RFTN2: variants seen among roughly 807,000 people sequenced by gnomAD.
RFTN2 encodes raftlin family member 2, also known as raftlin-2.
A neutral mutation model predicts 52.7 loss-of-function variants in RFTN2; 34 were observed. The ratio of observed to expected loss-of-function variants is 0.64; its 90% CI spans 0.49 to 0.86. The LOEUF is 0.86. Ranked by LOEUF, RFTN2 falls within the 40% of genes least tolerant of loss-of-function variation. The probability of loss-of-function intolerance (pLI) is 0.00; values close to 1 mark genes in which losing one functional copy is unlikely to be tolerated. For missense variants in RFTN2, 536 were observed against 600.1 expected, an observed-to-expected ratio of 0.89 and a Z score of 1.12; for synonymous variants, 203 against 217.7, an observed-to-expected ratio of 0.93 and a Z score of 0.59.
chr2:197,616,378 A>G (rs185448403), intron 6 of RFTN2, among the ~76,000 whole-genome samples: 6 of 151,504 alleles, frequency 4.0e-5, no homozygotes, highest in South Asian at 4.2e-4. Context: ...TTTAACCTCA[A>G]TCTCCTGGGC....
At chr2:197,672,198 C>T (rs1413608927) in intron 1 of RFTN2, among the ~76,000 whole-genome samples, 1 of 152,074 alleles carries the variant, frequency 6.6e-6, no homozygotes, top group Non-Finnish European at 1.5e-5. Flanking sequence ...CATAAAGTTC[C>T]AGAAAAATTC....
rs2088126426 is a variant in RFTN2 at position 197,615,453 on chromosome 2, G to A, written c.1154+423C>T. Among the ~76,000 whole-genome samples, 3 of 152,218 alleles carry A rather than the reference G, an allele frequency of 2.0e-5. No homozygotes were observed. In the South Asian group the frequency reaches 6.2e-4, roughly 32 times the overall value. On this transcript the variant is annotated intron_variant, in intron 7 of 8. Coordinates refer to ENST00000295049, the MANE Select transcript of RFTN2 (RefSeq NM_144629.3). ...TTCCTTTCCAGGAAAGTTAGTAAAAGGAGAAAAGGAAAAGGAAAGTTAGTA... is the reference window on the plus strand; with the variant it reads ...TTCCTTTCCAGGAAAGTTAGTAAAAAGAGAAAAGGAAAAGGAAAGTTAGTA...
chr2:197,647,313 C>T (rs1417576022), intron 1 of RFTN2, among the ~76,000 whole-genome samples: 1 of 152,100 alleles, frequency 6.6e-6, no homozygotes, highest in East Asian at 1.9e-4. Context: ...GCCCCCACCT[C>T]CCGGGCTCAC....
chr2:197,579,451 T>C (rs963122998), intron 8 of RFTN2, among the ~76,000 whole-genome samples: 2 of 152,196 alleles, frequency 1.3e-5, no homozygotes, highest in Non-Finnish European at 2.9e-5. Flanking sequence ...CACCTTATTT[T>C]CTTCTCCAAT....
chr2:197,591,911 G>GC (rs913278375), intron 8 of RFTN2, among the ~76,000 whole-genome samples: 2 of 149,684 alleles, frequency 1.3e-5, no homozygotes, highest in Non-Finnish European at 3.0e-5. Flanking sequence ...ACTGGTTCCT[G>GC]CCCCGTGCCT....
chr2:197,649,953 T>C (rs75548530), intron 1 of RFTN2, among the ~76,000 whole-genome samples: 3,715 of 152,226 alleles, frequency 0.024, 148 homozygotes, highest in African/African-American at 0.085. Flanking sequence ...TAATACCCCC[T>C]TCACTACCCA....
Position 197,615,897 on chromosome 2 carries a change from G to T in RFTN2, c.1133C>A (p.Thr378Lys), listed in dbSNP as rs1375943459. ...FGWLLTSVLP[T>K]PVLRHDSEGN... ...TTACCTGTCATGTCTCAATACAGGT[G>T]TGGGCAACACGCTTGTCAGAAGCCA... Residue 378 changes from threonine (T) to lysine (K), a missense_variant, in exon 7 of 9, where the codon ACA becomes AAA. By Grantham distance (78) the Thr-to-Lys change is moderately conservative. Transcript: ENST00000295049. The T allele has an allele frequency of 7.7e-6, 12 of 1,552,796 alleles. No homozygotes were observed. Among genetic ancestry groups the T allele is most frequent in the Non-Finnish European group, 1.0e-5 (12 of 1,145,656 alleles).
chr2:197,653,489 C>T (rs2088851609), intron 1 of RFTN2, among the ~76,000 whole-genome samples: 1 of 151,488 alleles, frequency 6.6e-6, no homozygotes, highest in Admixed American at 6.6e-5. Flanking sequence ...CCCCAAACTG[C>T]ATGTGGCAGG....
At chr2:197,662,781 A>G (rs1406780653) in intron 1 of RFTN2, among the ~76,000 whole-genome samples, 1 of 151,878 alleles carries the variant, frequency 6.6e-6, no homozygotes, top group Admixed American at 6.6e-5. Context: ...CGTTCTTTAA[A>G]AATTTTTTTA....
At chr2:197,646,021 T>C (rs1303246247) in intron 2 of RFTN2, among the ~76,000 whole-genome samples, 1 of 151,988 alleles carries the variant, frequency 6.6e-6, no homozygotes, top group Non-Finnish European at 1.5e-5. Flanking sequence ...AGCAAAACTC[T>C]GTCTTGAAAA....
intron 5 of RFTN2, among the ~76,000 whole-genome samples, chr2:197,627,548 A>G (rs2088385631): frequency 6.6e-6 from 1 of 152,182 alleles, no homozygotes; most frequent in Non-Finnish European, 1.5e-5. Flanking sequence ...CCTCTCCTCT[A>G]CTAGTGCCAC....
At chr2:197,661,040 A>T (rs913997999) in intron 1 of RFTN2, among the ~76,000 whole-genome samples, 1 of 151,894 alleles carries the variant, frequency 6.6e-6, no homozygotes, top group African/African-American at 2.4e-5. Context: ...TCCCCTGCTC[A>T]CACCCACTCA....
intron 3 of RFTN2, among the ~76,000 whole-genome samples, chr2:197,637,208 G>T (rs1392198526): frequency 2.0e-5 from 3 of 151,222 alleles, no homozygotes; most frequent in Admixed American, 6.6e-5. Context: ...TCTCTTTTTT[G>T]GTTGTGTCTC....
intron 8 of RFTN2, among the ~76,000 whole-genome samples, chr2:197,583,512 T>G (rs1462493558): frequency 6.6e-6 from 1 of 152,154 alleles, no homozygotes. Flanking sequence ...AGTGGAACCT[T>G]CATACCCTTT....
At chr2:197,575,760 A>T (rs1360274836) in intron 8 of RFTN2, among the ~76,000 whole-genome samples, 1 of 143,506 alleles carries the variant, frequency 7.0e-6, no homozygotes, top group Non-Finnish European at 1.5e-5. Flanking sequence ...TATATTTTTT[A>T]TATATATAAT....
intron 1 of RFTN2, among the ~76,000 whole-genome samples, chr2:197,662,297 G>A (rs1387300206): frequency 6.6e-6 from 1 of 152,060 alleles, no homozygotes; most frequent in Non-Finnish European, 1.5e-5. Context: ...AGTTTGAGTT[G>A]ATTTTTGTAA....
At chr2:197,630,911 G>C in intron 5 of RFTN2, 100 bp downstream of exon 5, 1 of 776,918 alleles carries the variant, frequency 1.3e-6, no homozygotes, top group Non-Finnish European at 2.2e-6. Context: ...AATGGTATCT[G>C]TCCTTTCAGC....
intron 7 of RFTN2, 39 bp from the exon 8 acceptor site, chr2:197,596,108 G>C (rs1287307543): frequency 2.4e-6 from 3 of 1,253,588 alleles, no homozygotes; most frequent in Non-Finnish European, 2.3e-6. Flanking sequence ...TTGTGAGTTA[G>C]TAATTCTCTA....
At chr2:197,648,831 C>T (rs1289888615) in intron 1 of RFTN2, among the ~76,000 whole-genome samples, 1 of 152,200 alleles carries the variant, frequency 6.6e-6, no homozygotes, top group Non-Finnish European at 1.5e-5. Flanking sequence ...GCCTTCATTT[C>T]CTTCCCTGTT....
Sources: allele counts gnomAD v4.1 joint callset (sites outside exome capture counted in the v4.1 genomes callset), GRCh38; gene constraint gnomAD v4.1.1; transcripts MANE v1.5; gene names NCBI Gene and HGNC (gene_info 2026-07-23, HGNC 2026-07-21).